GPC3: variants seen among roughly 807,000 people sequenced by gnomAD.
GPC3 encodes glypican 3, also known as glypican-3.
Under a neutral mutation model 34.4 loss-of-function variants are expected in GPC3, and 3 were observed. The ratio of observed to expected loss-of-function variants is 0.09; its 90% confidence interval spans 0.04 to 0.23. The LOEUF is 0.23. Among genes scored for constraint, GPC3 ranks in the 10% least tolerant of loss-of-function variants. The pLI, the probability that GPC3 is intolerant of heterozygous loss-of-function variation, is 1.00. For synonymous variants in GPC3, 177 were observed against 174.0 expected (o/e 1.02, Z -0.13); for missense variants, 351 against 445.6 (o/e 0.79, Z 1.91).
chrX:133,919,466 A>G (rs2076238099), intron 2 of GPC3, among the ~76,000 whole-genome samples: 1 of 112,013 alleles, frequency 8.9e-6, no homozygotes, highest in Admixed American at 9.5e-5. Context: ...ATAATATCCC[A>G]CATAGCTACC....
At chrX:133,619,870 G>A (rs1398712165) in intron 6 of GPC3, among the ~76,000 whole-genome samples, 1 of 110,559 alleles carries the variant, frequency 9.0e-6, no homozygotes, top group Non-Finnish European at 1.9e-5. Flanking sequence ...GGAAGAATTT[G>A]CAACCCCAAA....
intron 2 of GPC3, 75 bp downstream of exon 2, chrX:133,952,975 C>T: frequency 1.2e-6 from 1 of 852,040 alleles, no homozygotes; most frequent in Admixed American, 2.2e-5. Flanking sequence ...ATAAATTATA[C>T]TTAGTATTTG....
chrX:133,668,839 T>C (rs2070797296), intron 5 of GPC3, among the ~76,000 whole-genome samples: 1 of 111,724 alleles, frequency 9.0e-6, no homozygotes, highest in Non-Finnish European at 1.9e-5. Context: ...TGTGGGTTCT[T>C]AACCACTATG....
intron 2 of GPC3, among the ~76,000 whole-genome samples, chrX:133,856,666 T>C (rs766949023): frequency 8.9e-6 from 1 of 112,256 alleles, no homozygotes; most frequent in South Asian, 3.7e-4. Context: ...AGTAGGATTA[T>C]GGTATGAGTT....
chrX:133,831,590 TATGTTGATGC>T lies in GPC3; in HGVS notation c.338-77424_338-77415del, dbSNP rs763227441. Among the ~76,000 whole-genome samples, 4 of 111,434 alleles carry T rather than the reference TATGTTGATGC, an allele frequency of 3.6e-5. No individual in the cohort carries two copies. In the East Asian group the frequency reaches 1.1e-3, roughly 31 times the overall value. The stretch of plus-strand genomic sequence containing the variant: ...TACTAAAAATACAAAATTAACTGGG[TATGTTGATGC>T]ATGTCTCTAATCCCAGCTACTCGGG... On this transcript the variant is annotated intron_variant, in intron 2 of 7. Transcript: ENST00000370818.
chrX:133,926,360 G>C (rs1392443919), intron 2 of GPC3, among the ~76,000 whole-genome samples: 2 of 111,902 alleles, frequency 1.8e-5, no homozygotes, highest in East Asian at 5.6e-4. Context: ...TGAGATGTTT[G>C]TAATGAGGAC....
chrX:133,772,316 T>C (rs991011549), intron 2 of GPC3, among the ~76,000 whole-genome samples: 2 of 111,213 alleles, frequency 1.8e-5, no homozygotes, highest in Non-Finnish European at 3.8e-5. Context: ...TGTTAATTTA[T>C]TTGAGCAGAC....
At chrX:133,550,538 C>A (rs951776879) in intron 7 of GPC3, among the ~76,000 whole-genome samples, 1 of 111,807 alleles carries the variant, frequency 8.9e-6, no homozygotes, top group African/African-American at 3.3e-5. Context: ...CACCTTATTC[C>A]CCTCTGTCAC....
chrX:133,568,647 A>G lies in GPC3; in HGVS notation c.1573+27793T>C, dbSNP rs140523411. Among the ~76,000 whole-genome samples, 83 of 111,387 alleles carry G rather than the reference A, an allele frequency of 7.5e-4. No individual in the cohort carries two copies. The East Asian group carries it at 0.02, about 26-fold the overall frequency. ...AGTAATCACCTCTGGATTAGGTAGG[A>G]GTGTTTTAGGATCAGAAAAGACATT... On this transcript the variant is annotated intron_variant, in intron 7 of 7. Coordinates refer to ENST00000370818, the MANE Select transcript of GPC3 (RefSeq NM_004484.4).
intron 2 of GPC3, among the ~76,000 whole-genome samples, chrX:133,824,308 C>T (rs909326414): frequency 9.0e-6 from 1 of 111,186 alleles, no homozygotes; most frequent in Non-Finnish European, 1.9e-5. Flanking sequence ...AGAGATCTAT[C>T]TCCCATGTAC....
rs1394022598 is a variant in GPC3, at chrX:133,904,405, GA to G, written c.337+48644del. On this transcript the variant is annotated intron_variant, in intron 2 of 7. Coordinates refer to ENST00000370818, the MANE Select transcript of GPC3 (RefSeq NM_004484.4). ...GAAGTAAAAAGGAAAACACCAGAAA[GA>G]ACCAAGGAATAATGAAATGGAGTGC... Among the ~76,000 whole-genome samples the G allele has an allele frequency of 7.2e-5, 8 of 111,888 alleles. No homozygotes were observed. The East Asian group carries it at 1.7e-3, about 24-fold the overall frequency.
chrX:133,572,007 T>C (rs2069637544), intron 7 of GPC3, among the ~76,000 whole-genome samples: 1 of 111,792 alleles, frequency 8.9e-6, no homozygotes, highest in African/African-American at 3.3e-5. Flanking sequence ...ATTAATCCTG[T>C]AGATAAAATT....
At chrX:133,944,124 T>C (rs912012046) in intron 2 of GPC3, among the ~76,000 whole-genome samples, 1 of 110,589 alleles carries the variant, frequency 9.0e-6, no homozygotes, top group Non-Finnish European at 1.9e-5. Flanking sequence ...ATTCAAACAT[T>C]TACTGAAAGT....
intron 2 of GPC3, among the ~76,000 whole-genome samples, chrX:133,800,714 T>A (rs769996092): frequency 9.0e-6 from 1 of 111,662 alleles, no homozygotes. Flanking sequence ...AAAGACTGTT[T>A]AGAGAGAGCC....
intron 7 of GPC3, among the ~76,000 whole-genome samples, chrX:133,559,896 T>C (rs967339371): frequency 3.0e-4 from 33 of 111,633 alleles, no homozygotes; most frequent in Middle Eastern, 4.6e-3. Flanking sequence ...TTCCTTTCTC[T>C]CTGTCTCTCT....
chrX:133,738,623 C>G (rs1000352431), intron 3 of GPC3, among the ~76,000 whole-genome samples: 11 of 112,038 alleles, frequency 9.8e-5, no homozygotes, highest in African/African-American at 3.6e-4. Flanking sequence ...ACAATTCACA[C>G]TCCAAAACAA....
chrX:133,714,656 T>C (rs2071298161), intron 3 of GPC3, among the ~76,000 whole-genome samples: 1 of 111,704 alleles, frequency 9.0e-6, no homozygotes, highest in Non-Finnish European at 1.9e-5. Flanking sequence ...TCACCTACTA[T>C]GTGCTGGACA....
intron 1 of GPC3, among the ~76,000 whole-genome samples, chrX:133,958,544 CAA>C (rs761514189): frequency 9.9e-5 from 4 of 40,536 alleles, no homozygotes. Context: ...GACCCAGTCT[CAA>C]AAAAAAAAAA....
At chrX:133,935,805 A>G (rs1456317702) in intron 2 of GPC3, among the ~76,000 whole-genome samples, 1 of 111,430 alleles carries the variant, frequency 9.0e-6, no homozygotes, top group Non-Finnish European at 1.9e-5. Flanking sequence ...AGGACTATAT[A>G]TGTTATACTA....
Sources: allele counts gnomAD v4.1 joint callset (sites outside exome capture counted in the v4.1 genomes callset), GRCh38; gene constraint gnomAD v4.1.1; transcripts MANE v1.5; gene names NCBI Gene and HGNC (gene_info 2026-07-23, HGNC 2026-07-21).